SNX29: variants seen among roughly 807,000 people sequenced by gnomAD.
The protein encoded by SNX29 is sorting nexin 29.
In SNX29, 78 loss-of-function variants were observed where a neutral mutation model predicts 102.1. The ratio of observed to expected loss-of-function variants is 0.76; its 90% CI spans 0.64 to 0.92. The LOEUF is 0.92. Ranked by LOEUF, SNX29 falls within the 40% of genes least tolerant of loss-of-function variation. The probability of loss-of-function intolerance (pLI) is 0.00; values close to 1 mark genes in which losing one functional copy is unlikely to be tolerated. For missense variants in SNX29, 1,280 were observed against 1,061.7 expected (o/e 1.21, Z -2.86); for synonymous variants, 580 against 414.5 (o/e 1.40, Z -4.85).
intron 20 of SNX29, among the ~76,000 whole-genome samples, chr16:12,544,314 C>T (rs1672155128): frequency 2.0e-5 from 3 of 152,052 alleles, no homozygotes; most frequent in Admixed American, 2.0e-4. Context: ...GGAAGGTGGA[C>T]CCCAAAGTCA....
At chr16:12,372,178 A>G (rs2151384709) in intron 16 of SNX29, among the ~76,000 whole-genome samples, 1 of 152,318 alleles carries the variant, frequency 6.6e-6, no homozygotes, top group South Asian at 2.1e-4. Flanking sequence ...TATTTTTAAC[A>G]CAAATGGGAT....
At chr16:12,068,096 C>G (rs2051120782) in intron 9 of SNX29, among the ~76,000 whole-genome samples, 1 of 152,118 alleles carries the variant, frequency 6.6e-6, no homozygotes, top group Non-Finnish European at 1.5e-5. Flanking sequence ...GCAGTTTTGT[C>G]TTAACAGCAA....
intron 3 of SNX29, among the ~76,000 whole-genome samples, chr16:12,016,025 C>T (rs773538043): frequency 2.6e-4 from 39 of 151,972 alleles, no homozygotes; most frequent in Middle Eastern, 3.4e-3. Context: ...CCACCACGCC[C>T]GGCTAATTTT....
chr16:12,515,604 A>T (rs1282219199), intron 19 of SNX29: 8 of 488,630 alleles, frequency 1.6e-5, no homozygotes, highest in South Asian at 1.2e-4. Context: ...TGACCTCCGA[A>T]GTCACCTCCT....
intron 15 of SNX29, among the ~76,000 whole-genome samples, chr16:12,283,862 C>T (rs1017977913): frequency 6.6e-6 from 1 of 152,172 alleles, no homozygotes; most frequent in Non-Finnish European, 1.5e-5. Context: ...GAGGTTGGCA[C>T]CTAACCACAG....
At chr16:12,293,109 A>G (rs926548083) in intron 15 of SNX29, among the ~76,000 whole-genome samples, 1 of 152,176 alleles carries the variant, frequency 6.6e-6, no homozygotes, top group Non-Finnish European at 1.5e-5. Context: ...TTTTATTACT[A>G]TACATATATT....
intron 1 of SNX29, among the ~76,000 whole-genome samples, chr16:11,980,727 AT>A (rs1288192916): frequency 6.6e-6 from 1 of 152,006 alleles, no homozygotes; most frequent in Non-Finnish European, 1.5e-5. Context: ...CGTAGTTTTG[AT>A]TTGCATTTCC....
chr16:12,066,781 A>C (rs954357393), intron 9 of SNX29, among the ~76,000 whole-genome samples: 1 of 151,822 alleles, frequency 6.6e-6, no homozygotes, highest in Non-Finnish European at 1.5e-5. Context: ...TCCTTGGGCC[A>C]TTCCAGTTGA....
intron 4 of SNX29, among the ~76,000 whole-genome samples, chr16:12,033,452 C>A (rs1250921844): frequency 2.0e-5 from 3 of 152,012 alleles, no homozygotes; most frequent in Non-Finnish European, 2.9e-5. Context: ...GAAATGGTGT[C>A]TCATGTGGTT....
At chr16:12,484,551 C>G (rs1221112588) in intron 19 of SNX29, among the ~76,000 whole-genome samples, 1 of 152,094 alleles carries the variant, frequency 6.6e-6, no homozygotes, top group East Asian at 1.9e-4. Flanking sequence ...GTAGCTCCCT[C>G]ACCTCCCTCT....
chr16:11,984,893 G>C (rs1161970084), intron 1 of SNX29, among the ~76,000 whole-genome samples: 1 of 152,112 alleles, frequency 6.6e-6, no homozygotes. Context: ...GACCTCAAGT[G>C]ATCCTCCTGC....
At chr16:12,347,986 G>T (rs2081868053) in intron 15 of SNX29, among the ~76,000 whole-genome samples, 1 of 151,862 alleles carries the variant, frequency 6.6e-6, no homozygotes, top group Non-Finnish European at 1.5e-5. Flanking sequence ...GGCTGAGACA[G>T]GAGGATTGCT....
intron 3 of SNX29, among the ~76,000 whole-genome samples, chr16:12,026,245 C>T (rs899031221): frequency 6.6e-6 from 1 of 152,212 alleles, no homozygotes; most frequent in East Asian, 1.9e-4. Flanking sequence ...CTAAGCCTGT[C>T]CTTGCCCCAT....
Position 12,125,605 on chromosome 16 carries a change from C to CTT in SNX29, c.1403-993_1403-992dup, listed in dbSNP as rs36212472. ...AGGGGGGCTTGTGGCTGAGATCTCT[C>CTT]TTTTTTTTTTTTTTTTTTTTTTTTT... On this transcript the variant is annotated intron_variant, in intron 11 of 20. Coordinates refer to ENST00000566228, the MANE Select transcript of SNX29 (RefSeq NM_032167.5). Among the ~76,000 whole-genome samples the CTT allele has an allele frequency of 1.3e-3, 58 of 45,440 alleles. 8 individuals are homozygous for CTT. Among genetic ancestry groups the CTT allele is most frequent in the South Asian group, 4.2e-3 (5 of 1,192 alleles). The allele number at this position is 45,440 out of a possible 152,430, so 29.8% of individuals were successfully genotyped here. A position where few individuals can be genotyped will look rare whatever the true frequency, so the allele number is the denominator to read the frequency against.
At chr16:12,262,658 G>A (rs568415268) in intron 14 of SNX29, among the ~76,000 whole-genome samples, 11 of 152,322 alleles carry the variant, frequency 7.2e-5, no homozygotes, top group Non-Finnish European at 1.6e-4. Flanking sequence ...AAACCAGTAA[G>A]AGTACATAAA....
At chr16:12,436,027 GC>G (rs752230897) in intron 18 of SNX29, among the ~76,000 whole-genome samples, 44 of 152,358 alleles carry the variant, frequency 2.9e-4, no homozygotes, top group Non-Finnish European at 4.3e-4. Flanking sequence ...TGGGGCAGCT[GC>G]TAGGATCAAA....
intron 13 of SNX29, among the ~76,000 whole-genome samples, chr16:12,188,920 G>A (rs1366732484): frequency 1.3e-5 from 2 of 152,184 alleles, no homozygotes; most frequent in African/African-American, 2.4e-5. Context: ...CTTCTTGTAC[G>A]TGGGAGGTAC....
chr16:12,562,875 A>G (rs887745707), intron 20 of SNX29, among the ~76,000 whole-genome samples: 1 of 152,120 alleles, frequency 6.6e-6, no homozygotes, highest in Non-Finnish European at 1.5e-5. Context: ...GTGCTTTGTC[A>G]TTTCTAGTTT....
intron 14 of SNX29, among the ~76,000 whole-genome samples, chr16:12,200,994 A>G (rs1229361194): frequency 6.6e-6 from 1 of 152,244 alleles, no homozygotes; most frequent in Non-Finnish European, 1.5e-5. Context: ...TGATGGAGAC[A>G]GGATTAGAAT....
Sources: gnomAD v4.1 joint callset for allele counts (sites outside exome capture counted in the v4.1 genomes callset) on GRCh38, gnomAD v4.1.1 for gene constraint, MANE v1.5 for transcripts, NCBI Gene and HGNC (gene_info 2026-07-23, HGNC 2026-07-21) for gene names.